DNAH2: variants seen among roughly 807,000 people sequenced by gnomAD.
DNAH2 encodes dynein axonemal heavy chain 2, also known as axonemal beta dynein heavy chain 2.
A neutral mutation model predicts 523.5 loss-of-function variants in DNAH2; 323 were observed. That is an observed-to-expected ratio of 0.62 (90% CI 0.56 to 0.68). The LOEUF (loss-of-function observed/expected upper bound fraction) is 0.68, where lower values mean the gene tolerates loss of function less well. Ranked by LOEUF, DNAH2 falls within the 30% of genes least tolerant of loss-of-function variation. The pLI, the probability that DNAH2 is intolerant of heterozygous loss-of-function variation, is 0.00. For missense variants in DNAH2, 4,907 were observed against 5,701.5 expected (o/e 0.86, Z 4.49); for synonymous variants, 2,093 against 2,177.4 (o/e 0.96, Z 1.08).
chr17:7,753,975 G>A (rs773527236), intron 12 of DNAH2, among the ~76,000 whole-genome samples: 10 of 151,810 alleles, frequency 6.6e-5, no homozygotes, highest in African/African-American at 2.4e-4. Context: ...AAAACCTACC[G>A]GCAGATCAAG....
intron 12 of DNAH2, among the ~76,000 whole-genome samples, chr17:7,751,776 C>A (rs1294500418): frequency 6.6e-6 from 1 of 152,012 alleles, no homozygotes; most frequent in East Asian, 1.9e-4. Context: ...ATATTTATTT[C>A]CCATAAGAAT....
chr17:7,754,727 G>A lies in DNAH2; in HGVS notation c.1905-2364G>A, dbSNP rs1161426652. 2.7e-6 allele frequency: 3 copies of A among 1,117,778 alleles called. No homozygotes were observed. The highest frequency in any genetic ancestry group is 1.5e-5 in the African/African-American group (1 of 65,718). 69.2% of individuals were successfully genotyped at this position (1,117,778 alleles called of 1,614,324 possible). A position where few individuals can be genotyped will look rare whatever the true frequency, so the allele number is the denominator to read the frequency against. ...AGCTTGCTCGTGCCCGCATGGCCAA[G>A]GGGCTCAGGCTGTGCCGGCCCAAGG... On this transcript the variant is annotated intron_variant, in intron 12 of 85. Coordinates refer to ENST00000572933, the MANE Select transcript of DNAH2 (RefSeq NM_020877.5). The surrounding 1 kb of genome is among the most constrained non-coding windows in gnomAD (Gnocchi z 4.6).
intron 12 of DNAH2, among the ~76,000 whole-genome samples, chr17:7,753,167 C>T (rs60052171): frequency 0.014 from 2,168 of 152,258 alleles, 40 homozygotes; most frequent in African/African-American, 0.047. Context: ...AAAGTAAGGC[C>T]GAGGAAGGAT....
intron 12 of DNAH2, 116 bp downstream of exon 12, chr17:7,743,258 T>C: frequency 8.8e-7 from 1 of 1,141,546 alleles, no homozygotes; most frequent in Non-Finnish European, 1.3e-6. Flanking sequence ...TCATACAATA[T>C]GTTTGCTATC....
intron 72 of DNAH2, among the ~76,000 whole-genome samples, chr17:7,820,280 G>A (rs1194365217): frequency 6.6e-6 from 1 of 152,084 alleles, no homozygotes; most frequent in Non-Finnish European, 1.5e-5. Context: ...AGGTCCTTCT[G>A]CCTCTACCCA....
chr17:7,817,139 A>G, intron 64 of DNAH2, 151 bp from the exon 65 acceptor site: 1 of 1,069,322 alleles, frequency 9.4e-7, no homozygotes, highest in Admixed American at 3.4e-5. Flanking sequence ...AATTAGAACC[A>G]GGCTAGAGTT....
intron 68 of DNAH2, 100 bp from the exon 69 acceptor site, chr17:7,818,212 T>G: frequency 6.3e-7 from 1 of 1,595,568 alleles, no homozygotes; most frequent in East Asian, 2.2e-5. Flanking sequence ...GCCTGGGGCC[T>G]TAGGACAGGC....
chr17:7,741,136 C>A, intron 11 of DNAH2, 144 bp downstream of exon 11: 3 of 1,005,218 alleles, frequency 3.0e-6, no homozygotes, highest in Non-Finnish European at 4.2e-6. Flanking sequence ...TCAGTGAGGT[C>A]AGTCGTGGGT....
At chr17:7,758,811 A>T in intron 14 of DNAH2, 74 bp from the exon 15 acceptor site, 9 of 1,589,076 alleles carry the variant, frequency 5.7e-6, no homozygotes, top group Non-Finnish European at 7.7e-6. Flanking sequence ...CTGGAGAACA[A>T]GTGGGAGGGT....
chr17:7,778,923 C>T (rs2076531251), intron 35 of DNAH2, among the ~76,000 whole-genome samples: 1 of 152,176 alleles, frequency 6.6e-6, no homozygotes, highest in South Asian at 2.1e-4. Context: ...CTTCATGTAG[C>T]TTATTTGCAA....
chr17:7,826,532 C>T (rs1226423263), intron 77 of DNAH2, among the ~76,000 whole-genome samples: 2 of 138,372 alleles, frequency 1.4e-5, no homozygotes, highest in East Asian at 5.2e-4. Flanking sequence ...GTGTGCCCAT[C>T]ATCTTTTTTT....
intron 72 of DNAH2, among the ~76,000 whole-genome samples, chr17:7,819,611 C>T (rs920575986): frequency 2.6e-5 from 4 of 152,244 alleles, no homozygotes; most frequent in Admixed American, 2.6e-4. Flanking sequence ...GTAGCCCTCC[C>T]TTGAGCACTG....
intron 56 of DNAH2, 104 bp downstream of exon 56, chr17:7,799,346 T>C (rs2077158911): frequency 6.8e-7 from 1 of 1,474,186 alleles, no homozygotes; most frequent in South Asian, 1.3e-5. Flanking sequence ...AACAGCAGGC[T>C]CCTCTGCCCG....
intron 7 of DNAH2, among the ~76,000 whole-genome samples, chr17:7,735,364 C>T (rs2075111139): frequency 6.6e-6 from 1 of 152,166 alleles, no homozygotes; most frequent in Non-Finnish European, 1.5e-5. Context: ...TGCCTGACCT[C>T]GGTGATCCAC....
Position 7,797,205 on chromosome 17 carries a change from G to A in DNAH2, c.7893G>A (p.Lys2631=). The change falls in exon 51 of 86, where the codon AAG becomes AAA. Residue 2631 remains lysine (K), a synonymous_variant. Coordinates refer to ENST00000572933, the MANE Select transcript of DNAH2 (RefSeq NM_020877.5). The part of the protein sequence containing the change: ...KVFQGMLRAN[K]DFHDTKSSIT... ...TCCAGGGCATGCTTAGAGCCAACAA[G>A]GACTTCCATGATACCAAGTCCAGCA... 6.2e-7 allele frequency: 1 copy of A among 1,613,584 alleles called. No homozygotes were observed. The highest frequency in any genetic ancestry group is 8.5e-7 in the Non-Finnish European group (1 of 1,179,954).
At chr17:7,724,897 C>T (rs1430577992) in intron 3 of DNAH2, among the ~76,000 whole-genome samples, 1 of 151,632 alleles carries the variant, frequency 6.6e-6, no homozygotes, top group Admixed American at 6.6e-5. Flanking sequence ...CATGCACCAC[C>T]ACGCCCAGCT....
chr17:7,768,125 A>G, intron 23 of DNAH2, 39 bp from the exon 24 acceptor site: 1 of 1,614,126 alleles, frequency 6.2e-7, no homozygotes, highest in South Asian at 1.1e-5. Flanking sequence ...GTTCCCAGGG[A>G]GGTCGTCGGG....
Position 7,765,493 on chromosome 17 carries a change from AC to A in DNAH2, c.3440del (p.Thr1147LysfsTer3). 1 of 1,614,252 alleles carries A rather than the reference AC, an allele frequency of 6.2e-7. No individual in the cohort carries two copies. Among genetic ancestry groups the A allele is most frequent in the Non-Finnish European group, 8.5e-7 (1 of 1,180,048 alleles). On this transcript the variant is annotated frameshift_variant, in exon 21 of 86. Transcript: ENST00000572933. LOFTEE classifies it high-confidence loss of function. Reference protein sequence around the residue: ...MLKKHKEKFKTGLIHSADDFK... With the variant: ...MLKKHKEKFKXGLIHSADDFK... ...GAAGAAACACAAGGAGAAATTCAAG[AC>A]AGGCCTGATCCACTCGGCAGATGAC...
chr17:7,766,376 G>A lies in DNAH2; in HGVS notation c.3570G>A (p.Arg1190=), dbSNP rs373404412. ...CCTTAGACCAGATTACACAAGTGCG[G>A]GCCATGCTGATGGCCATGCGGGAAG... ...MSALDQITQV[R]AMLMAMREEE... is the part of the protein sequence containing the mutation. The change falls in exon 22 of 86, where the codon CGG becomes CGA. Residue 1190 remains arginine, a synonymous_variant. Transcript: ENST00000572933. 131 of 1,614,032 alleles carry A rather than the reference G, an allele frequency of 8.1e-5. No individual in the cohort carries two copies. The African/African-American group carries it at 1.5e-3, about 19-fold the overall frequency.
Sources: gnomAD v4.1 joint callset for allele counts (sites outside exome capture counted in the v4.1 genomes callset) on GRCh38, gnomAD v4.1.1 for gene constraint, Gnocchi (gnomAD v3.1) non-coding constraint, MANE v1.5 for transcripts, NCBI Gene and HGNC (gene_info 2026-07-23, HGNC 2026-07-21) for gene names.